The following ANKRD6 variants were observed in gnomAD, a reference collection of about 807,000 sequenced individuals.
The protein encoded by ANKRD6 is ankyrin repeat domain 6, also known as ankyrin repeat domain-containing protein 6.
ANKRD6 carries 56 observed loss-of-function variants against 82.3 expected under a neutral mutation model. The ratio of observed to expected loss-of-function variants is 0.68; its 90% CI spans 0.55 to 0.85. The LOEUF (loss-of-function observed/expected upper bound fraction) is 0.85, where lower values mean the gene tolerates loss of function less well. Ranked by LOEUF, ANKRD6 falls within the 40% of genes least tolerant of loss-of-function variation. The pLI is 0.00. For synonymous variants in ANKRD6, 347 were observed against 352.1 expected (o/e 0.99, Z 0.16); for missense variants, 852 against 907.6 (o/e 0.94, Z 0.79).
At chr6:89,503,804 A>G (rs1779519423) in intron 1 of ANKRD6, among the ~76,000 whole-genome samples, 1 of 152,178 alleles carries the variant, frequency 6.6e-6, no homozygotes. Flanking sequence ...CTGTTTCACT[A>G]GCTGGTGATA....
intron 1 of ANKRD6, among the ~76,000 whole-genome samples, chr6:89,453,696 CGGCCT>C (rs1773148603): frequency 6.6e-6 from 1 of 151,946 alleles, no homozygotes; most frequent in Non-Finnish European, 1.5e-5. Context: ...TCTCCTGCCT[CGGCCT>C]GCCGAGTAGC....
chr6:89,461,170 T>C (rs1003236024), intron 1 of ANKRD6, among the ~76,000 whole-genome samples: 2 of 152,176 alleles, frequency 1.3e-5, no homozygotes, highest in Non-Finnish European at 2.9e-5. Context: ...AGTCTCTGCC[T>C]CCTGAAGTGT....
At chr6:89,610,795 A>AT (rs1800034967) in intron 5 of ANKRD6, among the ~76,000 whole-genome samples, 2 of 126,056 alleles carry the variant, frequency 1.6e-5, no homozygotes, top group South Asian at 5.8e-4. Flanking sequence ...AGGAAAAAAA[A>AT]CAAAACTTAA....
chr6:89,507,131 A>T (rs986517742), intron 1 of ANKRD6, among the ~76,000 whole-genome samples: 2 of 152,224 alleles, frequency 1.3e-5, no homozygotes, highest in Non-Finnish European at 2.9e-5. Flanking sequence ...TGTAAAATAA[A>T]CAAAGTAGGC....
chr6:89,476,371 T>C (rs1170998236), intron 1 of ANKRD6, among the ~76,000 whole-genome samples: 1 of 152,114 alleles, frequency 6.6e-6, no homozygotes, highest in Non-Finnish European at 1.5e-5. Flanking sequence ...TTTTTTTTAG[T>C]AGAGACAGGA....
chr6:89,540,535 C>T (rs1225156866), intron 1 of ANKRD6, among the ~76,000 whole-genome samples: 1 of 152,152 alleles, frequency 6.6e-6, no homozygotes, highest in Non-Finnish European at 1.5e-5. Context: ...AATCCCTTGT[C>T]AGGTGGATAG....
rs567185359 is a variant in ANKRD6, at chr6:89,475,078, C to T, written c.-144+41703C>T. Among the ~76,000 whole-genome samples, 8 of 152,212 alleles carry T rather than the reference C, an allele frequency of 5.3e-5. No homozygotes were observed. In the East Asian group the frequency reaches 1.5e-3, roughly 29 times the overall value. On this transcript the variant is annotated intron_variant, in intron 1 of 15. Transcript: ENST00000339746. ...GTTTAGCTTAACCTATATTCTTGAC[C>T]TGATCAGAATTTTTGGACTTTGGGT...
At chr6:89,500,772 C>T (rs754776164) in intron 1 of ANKRD6, among the ~76,000 whole-genome samples, 5 of 152,110 alleles carry the variant, frequency 3.3e-5, no homozygotes, top group Non-Finnish European at 7.3e-5. Flanking sequence ...CTTTTAGTGG[C>T]TTTAGGCATT....
chr6:89,435,657 G>A (rs1770552399), intron 1 of ANKRD6, among the ~76,000 whole-genome samples: 1 of 152,216 alleles, frequency 6.6e-6, no homozygotes, highest in Non-Finnish European at 1.5e-5. Context: ...TTCTGTCTGT[G>A]TAGGGGAGAC....
At chr6:89,476,405 T>G (rs1238259280) in intron 1 of ANKRD6, among the ~76,000 whole-genome samples, 1 of 152,160 alleles carries the variant, frequency 6.6e-6, no homozygotes, top group Non-Finnish European at 1.5e-5. Context: ...GCCAGGCTGG[T>G]CTCGAACTCT....
At chr6:89,488,210 C>G (rs952855522) in intron 1 of ANKRD6, among the ~76,000 whole-genome samples, 1 of 152,212 alleles carries the variant, frequency 6.6e-6, no homozygotes, top group Non-Finnish European at 1.5e-5. Flanking sequence ...CCAGAGGAAG[C>G]CTGCTTTCAT....
At chr6:89,610,500 G>T (rs1444119659) in intron 5 of ANKRD6, among the ~76,000 whole-genome samples, 1 of 152,044 alleles carries the variant, frequency 6.6e-6, no homozygotes, top group East Asian at 1.9e-4. Context: ...CAAACCTATG[G>T]TTTTTAATTT....
At chr6:89,488,890 A>ATTCTATTCTATTCTG (rs1268751865) in intron 1 of ANKRD6, among the ~76,000 whole-genome samples, 3 of 151,560 alleles carry the variant, frequency 2.0e-5, no homozygotes, top group Admixed American at 2.0e-4. Context: ...ATTCTATTCT[A>ATTCTATTCTATTCTG]TTCTATTCTA....
At chr6:89,462,591 T>C (rs951260637) in intron 1 of ANKRD6, among the ~76,000 whole-genome samples, 97 of 152,324 alleles carry the variant, frequency 6.4e-4, no homozygotes, top group African/African-American at 2.3e-3. Context: ...GCTTCTGAAA[T>C]ACCAGTACCA....
In ANKRD6 at chr6:89,489,851, G is replaced by T. The variant is rs538600163; in HGVS notation, c.-144+56476G>T. 3.9e-5 allele frequency among the ~76,000 whole-genome samples: 6 copies of T among 152,320 alleles called. No individual in the cohort carries two copies. The East Asian group carries it at 1.2e-3, about 29-fold the overall frequency. The stretch of plus-strand genomic sequence containing the variant: ...TGGAGCCCTTTAAATTTATTAATGA[G>T]AATTTTATGAAGACCTTGTGACTTG... On this transcript the variant is annotated intron_variant, in intron 1 of 15. Transcript: ENST00000339746.
In ANKRD6 at chr6:89,559,810, G is replaced by A. The variant is rs185400586; in HGVS notation, c.-143-7024G>A. Reference sequence around the variant, plus strand: ...TCTATTTTGAGGGGGAAGGGAGAGAGGAGAAAGACCATGTCCCTTCTCTGC... The same window carrying A: ...TCTATTTTGAGGGGGAAGGGAGAGAAGAGAAAGACCATGTCCCTTCTCTGC... On this transcript the variant is annotated intron_variant, in intron 1 of 15. Transcript: ENST00000339746. Among the ~76,000 whole-genome samples the A allele has an allele frequency of 3.9e-5, 6 of 152,218 alleles. No individual in the cohort carries two copies. In the East Asian group the frequency reaches 9.7e-4, roughly 25 times the overall value.
At chr6:89,527,723 G>A (rs927217048) in intron 1 of ANKRD6, among the ~76,000 whole-genome samples, 2 of 152,002 alleles carry the variant, frequency 1.3e-5, no homozygotes, top group Non-Finnish European at 2.9e-5. Flanking sequence ...GTTTCTGCTG[G>A]TGGAGGATCT....
chr6:89,481,517 C>T (rs905713226), intron 1 of ANKRD6, among the ~76,000 whole-genome samples: 11 of 152,040 alleles, frequency 7.2e-5, no homozygotes, highest in African/African-American at 2.7e-4. Flanking sequence ...GATACTCAAC[C>T]GTATAATCTA....
At chr6:89,441,261 C>A (rs1439432495) in intron 1 of ANKRD6, among the ~76,000 whole-genome samples, 1 of 152,190 alleles carries the variant, frequency 6.6e-6, no homozygotes, top group Non-Finnish European at 1.5e-5. Context: ...GGTGATTCTC[C>A]TGCCTCAGCC....
Sources: gnomAD v4.1 joint callset for allele counts (sites outside exome capture counted in the v4.1 genomes callset) on GRCh38, gnomAD v4.1.1 for gene constraint, MANE v1.5 for transcripts, NCBI Gene and HGNC (gene_info 2026-07-23, HGNC 2026-07-21) for gene names.